ITGA1: variants seen among roughly 807,000 people sequenced by gnomAD.
ITGA1 encodes the protein integrin subunit alpha 1.
A neutral mutation model predicts 145.9 loss-of-function variants in ITGA1; 85 were observed. The observed-to-expected ratio is 0.58, with a 90% CI of 0.49 to 0.70. ITGA1 has a LOEUF of 0.70. Among genes scored for constraint, ITGA1 ranks in the 30% least tolerant of loss-of-function variants. The pLI is 0.00. For missense variants in ITGA1, 1,351 were observed against 1,418.7 expected, an observed-to-expected ratio of 0.95 and a Z score of 0.77; for synonymous variants, 520 against 495.3, an observed-to-expected ratio of 1.05 and a Z score of -0.66.
intron 1 of ITGA1, among the ~76,000 whole-genome samples, chr5:52,845,052 T>C (rs1749311998): frequency 6.6e-6 from 1 of 152,162 alleles, no homozygotes; most frequent in African/African-American, 2.4e-5. Context: ...GCAAATTGCC[T>C]GTAGAATTCT....
At position 52,929,694 on chromosome 5, in the gene ITGA1, G is replaced by C. The variant is rs778434428; in HGVS notation, c.2764G>C (p.Ala922Pro). ...LMENVTIYLS[A>P]TSDSEEPPET... is the part of the protein sequence containing the mutation. The stretch of plus-strand genomic sequence containing the variant: ...GGAAAATGTGACCATTTATTTAAGT[G>C]CAACAAGGTTGGTTTACATGTGTAT... The change falls in exon 21 of 29, where the codon GCA becomes CCA. Residue 922 changes from alanine to proline, a missense_variant. By Grantham distance (27) the Ala-to-Pro change is conservative. Coordinates refer to ENST00000282588, the MANE Select transcript of ITGA1 (RefSeq NM_181501.2). 2.0e-5 allele frequency: 32 copies of C among 1,579,366 alleles called. No homozygotes were observed. The highest frequency in any genetic ancestry group is 2.7e-5 in the Non-Finnish European group (31 of 1,152,028).
At chr5:52,912,194 A>G (rs1317635225) in intron 14 of ITGA1, among the ~76,000 whole-genome samples, 1 of 143,844 alleles carries the variant, frequency 7.0e-6, no homozygotes, top group Non-Finnish European at 1.5e-5. Flanking sequence ...CGCTATATAT[A>G]GTGTATCTAG....
In ITGA1 at chr5:52,833,191, CA is replaced by C. The variant is rs111452221; in HGVS notation, c.62-16161del. ...TGAGTGACGGACCGAGACTCTGTCT[CA>C]AAAAAAAAAAAATGCTTTGAAATTA... On this transcript the variant is annotated intron_variant, in intron 1 of 28. Transcript: ENST00000282588. Among the ~76,000 whole-genome samples, 259 of 139,574 alleles carry C rather than the reference CA, an allele frequency of 1.9e-3. 1 individual carries two copies. The highest frequency in any genetic ancestry group is 3.6e-3 in the Middle Eastern group (1 of 280). 91.6% of individuals were successfully genotyped at this position (139,574 alleles called of 152,430 possible). A position where few individuals can be genotyped will look rare whatever the true frequency, so the allele number is the denominator to read the frequency against.
intron 2 of ITGA1, among the ~76,000 whole-genome samples, chr5:52,857,822 C>T (rs188805477): frequency 3.1e-4 from 47 of 152,272 alleles, no homozygotes; most frequent in African/African-American, 1.0e-3. Context: ...CTGAGATGTT[C>T]CCCAGCAAGA....
intron 12 of ITGA1, among the ~76,000 whole-genome samples, chr5:52,908,220 T>A (rs1462895606): frequency 6.6e-6 from 1 of 152,208 alleles, no homozygotes; most frequent in Non-Finnish European, 1.5e-5. Context: ...AGATGTACCA[T>A]AAGATAATTG....
At chr5:52,899,895 A>G (rs564322549) in intron 11 of ITGA1, among the ~76,000 whole-genome samples, 61 of 152,324 alleles carry the variant, frequency 4.0e-4, no homozygotes, top group African/African-American at 1.3e-3. Context: ...GTGTGAAACC[A>G]CAATTGAGGC....
chr5:52,825,729 T>G (rs1427653250), intron 1 of ITGA1, among the ~76,000 whole-genome samples: 1 of 151,896 alleles, frequency 6.6e-6, no homozygotes, highest in African/African-American at 2.4e-5. Context: ...ACCATTCTGG[T>G]CAACATGGTG....
intron 1 of ITGA1, among the ~76,000 whole-genome samples, chr5:52,790,874 T>G (rs1748224126): frequency 6.6e-6 from 1 of 152,220 alleles, no homozygotes; most frequent in South Asian, 2.1e-4. Context: ...AGCCAATCAC[T>G]TTTCTTTACT....
Position 52,939,572 on chromosome 5 carries a change from T to C in ITGA1, c.3079-18T>C. 3 of 1,494,596 alleles carry C rather than the reference T, an allele frequency of 2.0e-6. No homozygotes were observed. Among genetic ancestry groups the C allele is most frequent in the Non-Finnish European group, 1.9e-6 (2 of 1,074,092 alleles). The allele number at this position is 1,494,596 out of a possible 1,614,324, so 92.6% of individuals were successfully genotyped here. A position where few individuals can be genotyped will look rare whatever the true frequency, so the allele number is the denominator to read the frequency against. On this transcript the variant is annotated intron_variant, in intron 24 of 28. Coordinates refer to ENST00000282588, the MANE Select transcript of ITGA1 (RefSeq NM_181501.2). ...GATATCTGGCATTGTCTGATAAATG[T>C]AATATTTTCATTTCTAGAATGCAAA...
At chr5:52,907,252 C>T (rs968468208) in intron 12 of ITGA1, among the ~76,000 whole-genome samples, 6 of 152,012 alleles carry the variant, frequency 3.9e-5, no homozygotes, top group Non-Finnish European at 5.9e-5. Flanking sequence ...GCTTGGAAAA[C>T]GCATAACAGT....
chr5:52,873,550 A>G (rs191233383), intron 6 of ITGA1, among the ~76,000 whole-genome samples: 8 of 152,316 alleles, frequency 5.3e-5, no homozygotes, highest in Admixed American at 2.6e-4. Flanking sequence ...CCCTCTTTAT[A>G]ATGACAAAAT....
intron 1 of ITGA1, among the ~76,000 whole-genome samples, chr5:52,839,223 T>C (rs1749213847): frequency 6.6e-6 from 1 of 152,244 alleles, no homozygotes; most frequent in African/African-American, 2.4e-5. Context: ...GGTGATACCG[T>C]AAGGCATATG....
At chr5:52,886,121 C>T (rs796468390) in intron 7 of ITGA1, among the ~76,000 whole-genome samples, 9 of 152,226 alleles carry the variant, frequency 5.9e-5, no homozygotes, top group African/African-American at 2.2e-4. Flanking sequence ...GAACACAGCC[C>T]AGGGTCAGAG....
chr5:52,894,076 G>A (rs533053681), intron 9 of ITGA1, among the ~76,000 whole-genome samples: 1 of 152,172 alleles, frequency 6.6e-6, no homozygotes, highest in East Asian at 1.9e-4. Context: ...CAGTGCTGAT[G>A]GGACAGCCGA....
chr5:52,937,632 G>T (rs1001614351), intron 24 of ITGA1, 118 bp downstream of exon 24: 225 of 681,798 alleles, frequency 3.3e-4, no homozygotes, highest in Non-Finnish European at 3.7e-5. Context: ...ACATGGAGAG[G>T]TATTTAGATA....
chr5:52,924,299 T>C (rs1301748503), intron 18 of ITGA1, among the ~76,000 whole-genome samples: 1 of 152,156 alleles, frequency 6.6e-6, no homozygotes, highest in Non-Finnish European at 1.5e-5. Context: ...CCACCTAGGC[T>C]GAGAAGTCAG....
intron 1 of ITGA1, among the ~76,000 whole-genome samples, chr5:52,835,021 T>A (rs1749142173): frequency 6.6e-6 from 1 of 152,146 alleles, no homozygotes; most frequent in East Asian, 1.9e-4. Context: ...CATTCTGAGT[T>A]GAATCAGTTC....
intron 13 of ITGA1, 101 bp from the exon 14 acceptor site, chr5:52,910,061 A>G (rs1750478940): frequency 8.7e-6 from 10 of 1,146,126 alleles, no homozygotes; most frequent in Admixed American, 2.3e-5. Context: ...CCACTAATGT[A>G]CAAATGGCTG....
chr5:52,934,053 T>A, intron 23 of ITGA1, 57 bp downstream of exon 23: 1 of 609,086 alleles, frequency 1.6e-6, no homozygotes, highest in Non-Finnish European at 2.6e-6. Context: ...ATATATAAAT[T>A]AAAGTATTAA....
Sources: allele counts gnomAD v4.1 joint callset (sites outside exome capture counted in the v4.1 genomes callset), GRCh38; gene constraint gnomAD v4.1.1; transcripts MANE v1.5; gene names NCBI Gene and HGNC (gene_info 2026-07-23, HGNC 2026-07-21).